HNRNPAB: variants seen among roughly 807,000 people sequenced by gnomAD.
The protein encoded by HNRNPAB is ABBP-1.
In HNRNPAB, 17 loss-of-function variants were observed where a neutral mutation model predicts 44.1. The ratio of observed to expected loss-of-function variants is 0.39; its 90% CI spans 0.26 to 0.58. The LOEUF is 0.58. HNRNPAB is among the 20% of genes least tolerant of loss of function. The pLI is 0.63. For synonymous variants in HNRNPAB, 183 were observed against 167.6 expected, an observed-to-expected ratio of 1.09 and a Z score of -0.71; for missense variants, 393 against 432.7, an observed-to-expected ratio of 0.91 and a Z score of 0.81.
At position 178,210,710 on chromosome 5, in the gene HNRNPAB, A is replaced by G; in HGVS notation, c.*87A>G. ...AATTATGTACCAAATTTAACTTGGC[A>G]AACTTTCTATTGCCTGTCCCATGTG... On this transcript the variant is annotated 3_prime_UTR_variant, in exon 8 of 8. Coordinates refer to ENST00000358344, the MANE Select transcript of HNRNPAB (RefSeq NM_031266.3). The G allele has an allele frequency of 2.9e-6, 3 of 1,042,368 alleles. No homozygotes were observed. In the East Asian group the frequency reaches 7.3e-5, roughly 25 times the overall value. The allele number at this position is 1,042,368 out of a possible 1,614,324, so 64.6% of individuals were successfully genotyped here. A position where few individuals can be genotyped will look rare whatever the true frequency, so the allele number is the denominator to read the frequency against.
In HNRNPAB at chr5:178,209,199, A is replaced by AG. The variant is rs1757387552; in HGVS notation, c.670-131_670-130insG. 12 of 777,408 alleles carry AG rather than the reference A, an allele frequency of 1.5e-5. No individual in the cohort carries two copies. The South Asian group carries it at 1.6e-4, about 10-fold the overall frequency. The allele number at this position is 777,408 out of a possible 1,614,324, so 48.2% of individuals were successfully genotyped here. A position where few individuals can be genotyped will look rare whatever the true frequency, so the allele number is the denominator to read the frequency against. ...AGCTTTAGCCCAAAGGTGGCCTCCC[A>AG]TACTAGCATATTTTGTTTCTCAGCA... On this transcript the variant is annotated intron_variant, in intron 5 of 7. Coordinates refer to ENST00000358344, the MANE Select transcript of HNRNPAB (RefSeq NM_031266.3).
chr5:178,205,999 A>T lies in HNRNPAB; in HGVS notation c.367A>T (p.Ser123Cys), dbSNP rs201935681. 3 of 1,613,780 alleles carry T rather than the reference A, an allele frequency of 1.9e-6. No homozygotes were observed. The highest frequency in any genetic ancestry group is 1.7e-5 in the Admixed American group (1 of 59,882). The change falls in exon 3 of 8, where the codon AGT (serine) becomes TGT (cysteine). Residue 123 changes from serine to cysteine, a missense_variant. Transcript: ENST00000358344. ...GTTTATCCTGTTCAAAGATGCAGCCAGTGTGGAGAAGGTAAGCTGGGTACT... is the reference window on the plus strand; with the variant it reads ...GTTTATCCTGTTCAAAGATGCAGCCTGTGTGGAGAAGGTAAGCTGGGTACT... ...FGFILFKDAA[S>C]VEKVLDQKEH...
rs946071000 is a variant in HNRNPAB at position 178,204,736 on chromosome 5, G to A, written c.-28G>A. 4.5e-6 allele frequency: 3 copies of A among 674,088 alleles called. No homozygotes were observed. Among genetic ancestry groups the A allele is most frequent in the Non-Finnish European group, 6.1e-6 (3 of 494,608 alleles). 41.8% of individuals were successfully genotyped at this position (674,088 alleles called of 1,614,324 possible). A position where few individuals can be genotyped will look rare whatever the true frequency, so the allele number is the denominator to read the frequency against. On this transcript the variant is annotated 5_prime_UTR_variant, in exon 1 of 8. Transcript: ENST00000358344. The stretch of plus-strand genomic sequence containing the variant: ...AGCGGGCCCCGCGGCGTCATCGGCG[G>A]CGAGGTGAGCGGCGGCCGGCGGGCG...
chr5:178,209,530 G>A, intron 6 of HNRNPAB, 83 bp downstream of exon 6: 1 of 1,223,378 alleles, frequency 8.2e-7, no homozygotes. Context: ...TCCCTCTGGT[G>A]CTGTGCAGCA....
rs1334002066 is a variant in HNRNPAB, at chr5:178,204,833, C to T, written c.-5C>T. On this transcript the variant is annotated 5_prime_UTR_variant, in exon 2 of 8. Coordinates refer to ENST00000358344, the MANE Select transcript of HNRNPAB (RefSeq NM_031266.3). The stretch of plus-strand genomic sequence containing the variant: ...GTTGCAGGAGCCGCCGCGCCTCGGC[C>T]TAGCATGTCGGAAGCGGGCGAGGAG... 4.1e-6 allele frequency: 5 copies of T among 1,218,624 alleles called. No homozygotes were observed. The highest frequency in any genetic ancestry group is 5.1e-6 in the Non-Finnish European group (5 of 979,696). The allele number at this position is 1,218,624 out of a possible 1,614,324, so 75.5% of individuals were successfully genotyped here.
At chr5:178,209,501 T>TCCAAG (rs1757515167) in intron 6 of HNRNPAB, 54 bp downstream of exon 6, 1 of 1,475,848 alleles carries the variant, frequency 6.8e-7, no homozygotes, top group Non-Finnish European at 9.5e-7. Flanking sequence ...CATGGAGCCT[T>TCCAAG]CCAAGCCTGT....
At position 178,210,451 on chromosome 5, in the gene HNRNPAB, T is replaced by C. The variant is rs1757881761; in HGVS notation, c.929-102T>C. On this transcript the variant is annotated intron_variant, in intron 7 of 7. Transcript: ENST00000358344. ...TTAATAACATGAGGAAGGCAGTCTC[T>C]GCTGTCACGGCTGGTGAGGGTCCTG... is the stretch of plus-strand genomic sequence containing the variant. 1.1e-5 allele frequency: 17 copies of C among 1,489,236 alleles called. No individual in the cohort carries two copies. The South Asian group carries it at 1.8e-4, about 16-fold the overall frequency. The allele number at this position is 1,489,236 out of a possible 1,614,324, so 92.3% of individuals were successfully genotyped here.
At chr5:178,207,269 A>C in intron 5 of HNRNPAB, 44 bp downstream of exon 5, 1 of 1,609,974 alleles carries the variant, frequency 6.2e-7, no homozygotes, top group South Asian at 1.1e-5. Context: ...GCTGCTGGAG[A>C]GCTGGCCCTT....
In HNRNPAB at chr5:178,207,122, C is replaced by T. The variant is rs1167818400; in HGVS notation, c.566C>T (p.Pro189Leu). The T allele has an allele frequency of 6.2e-7, 1 of 1,614,058 alleles. No homozygotes were observed. Among genetic ancestry groups the T allele is most frequent in the Non-Finnish European group, 8.5e-7 (1 of 1,180,002 alleles). The part of the protein sequence containing the change: ...EIEAIELPMD[P>L]KLNKRRGFVF... ...GAGGCCATTGAATTGCCAATGGATC[C>T]AAAGTTGAACAAAAGACGAGGTTTT... Residue 189 changes from proline (P) to leucine (L), a missense_variant, in exon 5 of 8, where the codon CCA becomes CTA. Transcript: ENST00000358344.
In HNRNPAB at chr5:178,210,542, C is replaced by G; in HGVS notation, c.929-11C>G. On this transcript the variant is annotated splice_polypyrimidine_tract_variant and intron_variant, in intron 7 of 7. Transcript: ENST00000358344. ...GTAAATAGTAGCTGCTATGGTTGTTCTCGTCCCTAGGTCAGGGTAGTACAA... is the reference window on the plus strand; with the variant it reads ...GTAAATAGTAGCTGCTATGGTTGTTGTCGTCCCTAGGTCAGGGTAGTACAA... The G allele has an allele frequency of 1.9e-6, 3 of 1,613,382 alleles. No individual in the cohort carries two copies. Among genetic ancestry groups the G allele is most frequent in the Non-Finnish European group, 2.5e-6 (3 of 1,179,314 alleles).
chr5:178,207,367 A>T, intron 5 of HNRNPAB, 142 bp downstream of exon 5: 1 of 960,600 alleles, frequency 1.0e-6, no homozygotes, highest in Non-Finnish European at 1.5e-6. Flanking sequence ...TGCTGCCCTG[A>T]TTGGGGCAGT....
Position 178,210,896 on chromosome 5 carries a change from TGCTGCC to T in HNRNPAB, c.*277_*282del, listed in dbSNP as rs2113649767. On this transcript the variant is annotated 3_prime_UTR_variant, in exon 8 of 8. Coordinates refer to ENST00000358344, the MANE Select transcript of HNRNPAB (RefSeq NM_031266.3). Reference sequence around the variant, plus strand: ...GAAGCAGGTGGGAGGCTCTGCTTCCTGCTGCCGCTCTGCAGCCTGGACCTGTGGACC... The same window carrying T: ...GAAGCAGGTGGGAGGCTCTGCTTCCTGCTCTGCAGCCTGGACCTGTGGACC... The T allele has an allele frequency of 2.0e-6, 1 of 509,040 alleles. No individual in the cohort carries two copies. The highest frequency in any genetic ancestry group is 3.6e-5 in the Admixed American group (1 of 28,108). 31.5% of individuals were successfully genotyped at this position (509,040 alleles called of 1,614,324 possible).
In HNRNPAB at chr5:178,210,892, T is replaced by A; in HGVS notation, c.*269T>A. On this transcript the variant is annotated 3_prime_UTR_variant, in exon 8 of 8. Transcript: ENST00000358344. ...CCCAGAAGCAGGTGGGAGGCTCTGC[T>A]TCCTGCTGCCGCTCTGCAGCCTGGA... The A allele has an allele frequency of 1.9e-6, 1 of 514,256 alleles. No individual in the cohort carries two copies. The allele number at this position is 514,256 out of a possible 1,614,324, so 31.9% of individuals were successfully genotyped here. A position where few individuals can be genotyped will look rare whatever the true frequency, so the allele number is the denominator to read the frequency against.
chr5:178,205,382 G>T (rs1372243790), intron 2 of HNRNPAB, among the ~76,000 whole-genome samples: 1 of 152,086 alleles, frequency 6.6e-6, no homozygotes, highest in Non-Finnish European at 1.5e-5. Flanking sequence ...CCGCGCCGGC[G>T]GCTGCGTGGG....
chr5:178,204,959 G>C lies in HNRNPAB; in HGVS notation c.122G>C (p.Gly41Ala). 1 of 1,210,068 alleles carries C rather than the reference G, an allele frequency of 8.3e-7. No homozygotes were observed. Among genetic ancestry groups the C allele is most frequent in the African/African-American group, 1.6e-5 (1 of 63,354 alleles). The allele number at this position is 1,210,068 out of a possible 1,614,324, so 75.0% of individuals were successfully genotyped here. A position where few individuals can be genotyped will look rare whatever the true frequency, so the allele number is the denominator to read the frequency against. The change falls in exon 2 of 8, where the codon GGA becomes GCA. Residue 41 changes from glycine to alanine, a missense_variant. By Grantham distance (60) the Gly-to-Ala change is moderately conservative (BLOSUM62 0). Coordinates refer to ENST00000358344, the MANE Select transcript of HNRNPAB (RefSeq NM_031266.3). Reference sequence around the variant, plus strand: ...GGCACGGGCGCCGCGGCGGGGGCTGGAGGCGCGACCGCGGCGCCCCCGAGC... The same window carrying C: ...GGCACGGGCGCCGCGGCGGGGGCTGCAGGCGCGACCGCGGCGCCCCCGAGC... ...GAGTGAAAGAGGATAAPPSGN... is the reference protein window; with the variant it reads ...GAGTGAAAGAAGATAAPPSGN...
rs542352477 is a variant in HNRNPAB at position 178,210,459 on chromosome 5, C to T, written c.929-94C>T. 53 of 1,494,020 alleles carry T rather than the reference C, an allele frequency of 3.5e-5. No individual in the cohort carries two copies. In the East Asian group the frequency reaches 7.8e-4, roughly 22 times the overall value. The allele number at this position is 1,494,020 out of a possible 1,614,324, so 92.5% of individuals were successfully genotyped here. A position where few individuals can be genotyped will look rare whatever the true frequency, so the allele number is the denominator to read the frequency against. On this transcript the variant is annotated intron_variant, in intron 7 of 7. Coordinates refer to ENST00000358344, the MANE Select transcript of HNRNPAB (RefSeq NM_031266.3). ...ATGAGGAAGGCAGTCTCTGCTGTCA[C>T]GGCTGGTGAGGGTCCTGGGAAGATG...
intron 7 of HNRNPAB, 94 bp from the exon 8 acceptor site, chr5:178,210,459 C>A: frequency 1.3e-6 from 2 of 1,494,006 alleles, no homozygotes; most frequent in Non-Finnish European, 1.9e-6. Flanking sequence ...TCTGCTGTCA[C>A]GGCTGGTGAG....
chr5:178,208,500 G>A (rs961511139), intron 5 of HNRNPAB: 2 of 152,222 alleles, frequency 1.3e-5, no homozygotes, highest in African/African-American at 4.8e-5. Context: ...TATTTAGTTG[G>A]TTATATTCAG....
In HNRNPAB at chr5:178,210,694, C is replaced by A; in HGVS notation, c.*71C>A. On this transcript the variant is annotated 3_prime_UTR_variant, in exon 8 of 8. Coordinates refer to ENST00000358344, the MANE Select transcript of HNRNPAB (RefSeq NM_031266.3). The stretch of plus-strand genomic sequence containing the variant: ...GATATGGAGTGAACACAATTATGTA[C>A]CAAATTTAACTTGGCAAACTTTCTA... 1.6e-6 allele frequency: 2 copies of A among 1,234,694 alleles called. No individual in the cohort carries two copies. The highest frequency in any genetic ancestry group is 2.4e-6 in the Non-Finnish European group (2 of 838,902). The allele number at this position is 1,234,694 out of a possible 1,614,324, so 76.5% of individuals were successfully genotyped here. A position where few individuals can be genotyped will look rare whatever the true frequency, so the allele number is the denominator to read the frequency against.
Sources: gnomAD v4.1 joint callset for allele counts (sites outside exome capture counted in the v4.1 genomes callset) on GRCh38, gnomAD v4.1.1 for gene constraint, MANE v1.5 for transcripts, NCBI Gene and HGNC (gene_info 2026-07-23, HGNC 2026-07-21) for gene names.